GSTO1: variants seen among roughly 807,000 people sequenced by gnomAD.
GSTO1 encodes the protein glutathione S-transferase omega 1.
Under a neutral mutation model 23.8 loss-of-function variants are expected in GSTO1, and 27 were observed. The observed-to-expected ratio is 1.13, with a 90% confidence interval of 0.83 to 1.56. The LOEUF is 1.56. Ranked by LOEUF, GSTO1 falls within the 40% of genes most tolerant of loss-of-function variation. The probability of loss-of-function intolerance (pLI) is 0.00; values close to 1 mark genes in which losing one functional copy is unlikely to be tolerated. For missense variants in GSTO1, 255 were observed against 285.8 expected (o/e 0.89, Z 0.78); for synonymous variants, 105 against 109.3 (o/e 0.96, Z 0.25).
intron 4 of GSTO1, among the ~76,000 whole-genome samples, chr10:104,264,969 T>C (rs1434182516): frequency 6.6e-6 from 1 of 152,238 alleles, no homozygotes; most frequent in Non-Finnish European, 1.5e-5. Flanking sequence ...TCAAGAGTTA[T>C]CATACTGCAA....
At chr10:104,267,021 C>T (rs577296604) in intron 5 of GSTO1, among the ~76,000 whole-genome samples, 15 of 152,292 alleles carry the variant, frequency 9.8e-5, no homozygotes, top group African/African-American at 3.4e-4. Context: ...GGCAAGTTCT[C>T]ACATTAACTG....
intron 2 of GSTO1, among the ~76,000 whole-genome samples, chr10:104,257,117 A>G (rs1370386267): frequency 6.6e-6 from 1 of 151,110 alleles, no homozygotes; most frequent in Non-Finnish European, 1.5e-5. Context: ...AATCTGTTCT[A>G]TTGAACATTT....
rs751531910 is a variant in GSTO1 at position 104,262,991 on chromosome 10, G to C, written c.379G>C (p.Val127Leu). The C allele has an allele frequency of 9.5e-6, 14 of 1,474,548 alleles. No homozygotes were observed. The highest frequency in any genetic ancestry group is 1.8e-4 in the Middle Eastern group (1 of 5,700). 91.3% of individuals were successfully genotyped at this position (1,474,548 alleles called of 1,614,324 possible). Residue 127 changes from valine (V) to leucine (L), a missense_variant, in exon 4 of 6, where the codon GTA becomes CTA. By Grantham distance (32) the Val-to-Leu change is conservative. Coordinates refer to ENST00000369713, the MANE Select transcript of GSTO1 (RefSeq NM_004832.3). ...ATTCTCTGTCTAGGTGCCATCCTTG[G>C]TAGGAAGCTTTATTAGAAGCCAAAA... ...LELFSKVPSL[V>L]GSFIRSQNKE...
chr10:104,255,192 G>T lies in GSTO1; in HGVS notation c.64G>T (p.Gly22Cys). 1.2e-6 allele frequency: 2 copies of T among 1,613,916 alleles called. No homozygotes were observed. The highest frequency in any genetic ancestry group is 1.7e-6 in the Non-Finnish European group (2 of 1,179,860). ...GSAPPGPVPE[G>C]SIRIYSMRFC... ...CGCGCCCCCGGGGCCGGTCCCGGAG[G>T]GCTCGATCCGCATCTACAGCATGAG... Residue 22 changes from glycine (G) to cysteine (C), a missense_variant, in exon 2 of 6, where the codon GGC (glycine) becomes TGC (cysteine). Transcript: ENST00000369713.
intron 5 of GSTO1, among the ~76,000 whole-genome samples, chr10:104,266,785 C>G (rs1177374484): frequency 6.6e-6 from 1 of 151,826 alleles, no homozygotes; most frequent in Non-Finnish European, 1.5e-5. Context: ...GATGTTGTTG[C>G]GGGATTGTAC....
intron 4 of GSTO1, among the ~76,000 whole-genome samples, chr10:104,263,733 G>C (rs1326763830): frequency 6.6e-6 from 1 of 152,056 alleles, no homozygotes; most frequent in African/African-American, 2.4e-5. Flanking sequence ...CATGATGTTT[G>C]CTGTAGGTTT....
intron 4 of GSTO1, among the ~76,000 whole-genome samples, chr10:104,264,792 T>C (rs1161081772): frequency 6.6e-6 from 1 of 152,204 alleles, no homozygotes; most frequent in East Asian, 1.9e-4. Context: ...TCCATTAGCC[T>C]GCAATTAGGC....
At position 104,263,003 on chromosome 10, in the gene GSTO1, AT is replaced by A; in HGVS notation, c.393del (p.Arg132GlufsTer11). ...GGTGCCATCCTTGGTAGGAAGCTTT[AT>A]TAGAAGCCAAAATAAAGAAGACTAT... ...SKVPSLVGSF[I>X]RSQNKEDYAG... On this transcript the variant is annotated frameshift_variant, in exon 4 of 6. Coordinates refer to ENST00000369713, the MANE Select transcript of GSTO1 (RefSeq NM_004832.3). LOFTEE classifies it high-confidence loss of function. 1 of 1,534,294 alleles carries A rather than the reference AT, an allele frequency of 6.5e-7. No individual in the cohort carries two copies. The highest frequency in any genetic ancestry group is 9.0e-7 in the Non-Finnish European group (1 of 1,108,942).
intron 3 of GSTO1, 41 bp from the exon 4 acceptor site, chr10:104,262,938 T>C (rs2011150639): frequency 1.2e-6 from 1 of 854,038 alleles, no homozygotes; most frequent in Non-Finnish European, 2.0e-6. Context: ...CCGATACAGT[T>C]AGCCATAAAC....
chr10:104,266,502 C>T (rs1019181364), intron 5 of GSTO1, among the ~76,000 whole-genome samples: 3 of 152,188 alleles, frequency 2.0e-5, no homozygotes, highest in South Asian at 2.1e-4. Context: ...TTCGGGAGGC[C>T]GAGACGGGTG....
chr10:104,259,085 A>G (rs2135055921), intron 2 of GSTO1, among the ~76,000 whole-genome samples: 2 of 152,330 alleles, frequency 1.3e-5, no homozygotes, highest in East Asian at 3.9e-4. Flanking sequence ...GGAAAACAGT[A>G]TAGATGTTCT....
At chr10:104,263,450 T>C (rs150799595) in intron 4 of GSTO1, among the ~76,000 whole-genome samples, 33 of 152,358 alleles carry the variant, frequency 2.2e-4, no homozygotes, top group African/African-American at 7.9e-4. Context: ...AATCAGAGCA[T>C]AGATATCATT....
At chr10:104,256,152 A>T (rs912894181) in intron 2 of GSTO1, among the ~76,000 whole-genome samples, 1 of 152,206 alleles carries the variant, frequency 6.6e-6, no homozygotes, top group African/African-American at 2.4e-5. Flanking sequence ...AAATGCATTT[A>T]AAAAATACAT....
intron 3 of GSTO1, among the ~76,000 whole-genome samples, chr10:104,262,100 T>C (rs1156502209): frequency 1.3e-5 from 2 of 152,196 alleles, no homozygotes; most frequent in Admixed American, 1.3e-4. Context: ...TGGTGGGATA[T>C]CTGCTTAAGA....
chr10:104,254,981 G>C lies in GSTO1; in HGVS notation c.34+19G>C, dbSNP rs779560259. ...GGGAAGGGTGAGGCCTGCCCGCCGCGAAGAGGGGGTGATCTCGGCGACCCC... is the reference window on the plus strand; with the variant it reads ...GGGAAGGGTGAGGCCTGCCCGCCGCCAAGAGGGGGTGATCTCGGCGACCCC... On this transcript the variant is annotated intron_variant, in intron 1 of 5. Transcript: ENST00000369713. 1 of 1,602,406 alleles carries C rather than the reference G, an allele frequency of 6.2e-7. No individual in the cohort carries two copies. Among genetic ancestry groups the C allele is most frequent in the Non-Finnish European group, 8.5e-7 (1 of 1,174,380 alleles).
chr10:104,264,130 C>G (rs2011160672), intron 4 of GSTO1, among the ~76,000 whole-genome samples: 1 of 152,104 alleles, frequency 6.6e-6, no homozygotes, highest in Admixed American at 6.5e-5. Context: ...AGTTGGGTAA[C>G]TAACCTGTTT....
intron 3 of GSTO1, 89 bp from the exon 4 acceptor site, chr10:104,262,890 G>T: frequency 1.6e-6 from 1 of 640,130 alleles, no homozygotes; most frequent in East Asian, 2.6e-5. Flanking sequence ...CTTGACACCA[G>T]GACTGTAAGG....
intron 4 of GSTO1, among the ~76,000 whole-genome samples, chr10:104,265,523 G>A (rs932452811): frequency 6.6e-6 from 1 of 152,182 alleles, no homozygotes; most frequent in African/African-American, 2.4e-5. Context: ...GCTGGGTGAT[G>A]AGTATGCATA....
upstream of GSTO1, chr10:104,254,539 G>A: frequency 3.1e-6 from 1 of 323,328 alleles, no homozygotes; most frequent in Non-Finnish European, 5.9e-6. Flanking sequence ...CTCTGAAGTC[G>A]TGAAGCCTTG....
Sources: allele counts gnomAD v4.1 joint callset (sites outside exome capture counted in the v4.1 genomes callset), GRCh38; gene constraint gnomAD v4.1.1; transcripts MANE v1.5; gene names NCBI Gene and HGNC (gene_info 2026-07-23, HGNC 2026-07-21).